ZNF569: variants seen among roughly 807,000 people sequenced by gnomAD.
ZNF569 encodes the protein zinc finger protein 569, also known as DNA-binding protein.
In ZNF569, 38 loss-of-function variants were observed where a neutral mutation model predicts 56.3. The observed-to-expected ratio is 0.68, with a 90% CI of 0.52 to 0.88. The LOEUF (loss-of-function observed/expected upper bound fraction) is 0.88, where lower values mean the gene tolerates loss of function less well. Ranked by LOEUF, ZNF569 falls within the 40% of genes least tolerant of loss-of-function variation. The probability of loss-of-function intolerance (pLI) is 0.00; values close to 1 mark genes in which losing one functional copy is unlikely to be tolerated. For missense variants in ZNF569, 666 were observed against 809.2 expected (o/e 0.82, Z 2.15); for synonymous variants, 241 against 262.9 (o/e 0.92, Z 0.81).
At chr19:37,418,777 G>A (rs961255304) in intron 5 of ZNF569, among the ~76,000 whole-genome samples, 1 of 152,102 alleles carries the variant, frequency 6.6e-6, no homozygotes, top group Admixed American at 6.6e-5. Context: ...TCTGCTTCTG[G>A]AGAAATGGAA....
At chr19:37,456,645 C>A (rs1481795847) in intron 2 of ZNF569, among the ~76,000 whole-genome samples, 8 of 152,108 alleles carry the variant, frequency 5.3e-5, no homozygotes, top group Non-Finnish European at 1.0e-4. Flanking sequence ...TGTATACATT[C>A]TAGAAATTTT....
In ZNF569 at chr19:37,423,978, C is replaced by CAT. The variant is rs147955601; in HGVS notation, c.238+1888_238+1889dup. On this transcript the variant is annotated intron_variant, in intron 5 of 5. Transcript: ENST00000316950. ...AAAATTCAAAATACGTGTATATGGA[C>CAT]ATATATATGTATATGTATATATGTA... 7.3e-3 allele frequency among the ~76,000 whole-genome samples: 1,111 copies of CAT among 152,086 alleles called. 2 individuals carry two copies. Among genetic ancestry groups the CAT allele is most frequent in the Non-Finnish European group, 0.013 (855 of 68,000 alleles).
Position 37,422,630 on chromosome 19 carries a change from T to G in ZNF569, c.238+3238A>C, listed in dbSNP as rs547086101. ...TTGCCAAGCACAATAAAATAAAGCA[T>G]AATAACATGAGATATGCCTGTATAA... On this transcript the variant is annotated intron_variant, in intron 5 of 5. Coordinates refer to ENST00000316950, the MANE Select transcript of ZNF569 (RefSeq NM_152484.3). Among the ~76,000 whole-genome samples the G allele has an allele frequency of 2.0e-5, 3 of 152,162 alleles. No individual in the cohort carries two copies. The South Asian group carries it at 6.2e-4, about 32-fold the overall frequency.
intron 3 of ZNF569, among the ~76,000 whole-genome samples, chr19:37,427,027 G>A (rs1465444855): frequency 2.6e-5 from 4 of 152,200 alleles, no homozygotes; most frequent in Non-Finnish European, 5.9e-5. Flanking sequence ...TTAAAAAGCT[G>A]TAGAATGGCT....
chr19:37,431,405 C>A (rs1017020075), intron 3 of ZNF569, among the ~76,000 whole-genome samples: 7 of 152,166 alleles, frequency 4.6e-5, no homozygotes, highest in African/African-American at 1.7e-4. Flanking sequence ...ATTCCATGCG[C>A]TAGCTCCTGG....
At chr19:37,419,974 T>C (rs533236363) in intron 5 of ZNF569, among the ~76,000 whole-genome samples, 27 of 138,338 alleles carry the variant, frequency 2.0e-4, no homozygotes, top group Non-Finnish European at 2.2e-4. Context: ...TCTTTCTTTT[T>C]TTTTTTTTTT....
rs1050061537 is a variant in ZNF569 at position 37,411,882 on chromosome 19, T to G, written c.*715A>C. 6.6e-6 allele frequency: 1 copy of G among 152,320 alleles called. No individual in the cohort carries two copies. Among genetic ancestry groups the G allele is most frequent in the African/African-American group, 2.4e-5 (1 of 41,586 alleles). The allele number at this position is 152,320 out of a possible 1,614,324, so 9.4% of individuals were successfully genotyped here. A position where few individuals can be genotyped will look rare whatever the true frequency, so the allele number is the denominator to read the frequency against. ...TTGATTTATTCACTTGGTAATACATTGTTTAAATGACAGCAGCTTTAAATA... is the reference window on the plus strand; with the variant it reads ...TTGATTTATTCACTTGGTAATACATGGTTTAAATGACAGCAGCTTTAAATA... On this transcript the variant is annotated 3_prime_UTR_variant, in exon 6 of 6. Transcript: ENST00000316950.
chr19:37,460,266 A>T, intron 2 of ZNF569, among the ~76,000 whole-genome samples: 1 of 152,080 alleles, frequency 6.6e-6, no homozygotes, highest in East Asian at 1.9e-4. Flanking sequence ...CTCCTGCCTC[A>T]GCCTCAACTG....
intron 3 of ZNF569, 43 bp downstream of exon 3, chr19:37,444,864 T>C (rs768860903): frequency 1.7e-5 from 25 of 1,504,488 alleles, no homozygotes; most frequent in African/African-American, 4.2e-5. Context: ...TTAAATTGCA[T>C]TGGAGAGTAA....
At position 37,413,089 on chromosome 19, in the gene ZNF569, A is replaced by G. The variant is rs2040866039; in HGVS notation, c.1569T>C (p.Asp523=). ...AGAAGGCTTTACCACATTCATTACA[A>G]TCATAAGGTTTCTCTCCAGTATGAA... The part of the protein sequence containing the change: ...QKVHTGEKPY[D]CNECGKAFSQ... The change falls in exon 6 of 6, where the codon GAT becomes GAC. Residue 523 remains aspartate, a synonymous_variant. Transcript: ENST00000316950. The G allele has an allele frequency of 6.2e-7, 1 of 1,612,794 alleles. No homozygotes were observed. The highest frequency in any genetic ancestry group is 8.5e-7 in the Non-Finnish European group (1 of 1,179,522).
chr19:37,415,901 A>G (rs1568715169), intron 5 of ZNF569, among the ~76,000 whole-genome samples: 1 of 151,472 alleles, frequency 6.6e-6, no homozygotes, highest in Non-Finnish European at 1.5e-5. Flanking sequence ...GAAAAAGAAA[A>G]AAAAAAAGAA....
intron 3 of ZNF569, among the ~76,000 whole-genome samples, chr19:37,428,550 A>T (rs1207851727): frequency 6.7e-6 from 1 of 149,434 alleles, no homozygotes; most frequent in African/African-American, 2.5e-5. Flanking sequence ...AAAAAAGCTG[A>T]TAGTTTAAGA....
intron 2 of ZNF569, among the ~76,000 whole-genome samples, chr19:37,464,865 C>T (rs986823367): frequency 6.6e-6 from 1 of 152,226 alleles, no homozygotes; most frequent in Non-Finnish European, 1.5e-5. Flanking sequence ...CCAAAGCTGT[C>T]TTCTTAAATT....
intron 3 of ZNF569, among the ~76,000 whole-genome samples, chr19:37,438,312 G>A (rs1286859543): frequency 2.0e-5 from 3 of 152,144 alleles, no homozygotes; most frequent in Non-Finnish European, 4.4e-5. Context: ...CCTAAGCCCA[G>A]GAGGTCAAGG....
intron 5 of ZNF569, among the ~76,000 whole-genome samples, chr19:37,418,234 A>T (rs2040969965): frequency 6.6e-6 from 1 of 152,104 alleles, no homozygotes; most frequent in Non-Finnish European, 1.5e-5. Context: ...AAGAACCAAT[A>T]GGAAGGTTAA....
chr19:37,446,549 C>CAAAAAAAAAAA (rs74174464), intron 2 of ZNF569, among the ~76,000 whole-genome samples: 2 of 60,470 alleles, frequency 3.3e-5, no homozygotes, highest in Non-Finnish European at 6.3e-5. Flanking sequence ...GACTCCATCT[C>CAAAAAAAAAAA]AAAAAAAAAA....
At chr19:37,431,927 C>T (rs1405982634) in intron 3 of ZNF569, among the ~76,000 whole-genome samples, 4 of 152,100 alleles carry the variant, frequency 2.6e-5, no homozygotes, top group Admixed American at 6.5e-5. Context: ...GTGGTAGCCA[C>T]GGGGAGAAAT....
chr19:37,412,922 AC>A lies in ZNF569; in HGVS notation c.1735del (p.Val579TyrfsTer19). The A allele has an allele frequency of 6.2e-7, 1 of 1,613,132 alleles. No homozygotes were observed. Among genetic ancestry groups the A allele is most frequent in the Non-Finnish European group, 8.5e-7 (1 of 1,179,716 alleles). On this transcript the variant is annotated frameshift_variant, in exon 6 of 6. Transcript: ENST00000316950. LOFTEE classifies it high-confidence loss of function. ...MRSHTGEKPY[V>X]CNECGKAFSQ... ...GAAGGCTTTCCCACATTCATTACAT[AC>A]ATAGGGCTTCTCACCTGTGTGACTT...
chr19:37,446,549 C>CAA (rs74174464), intron 2 of ZNF569, among the ~76,000 whole-genome samples: 8 of 60,418 alleles, frequency 1.3e-4, no homozygotes, highest in South Asian at 1.4e-3. Flanking sequence ...GACTCCATCT[C>CAA]AAAAAAAAAA....
Sources: gnomAD v4.1 joint callset for allele counts (sites outside exome capture counted in the v4.1 genomes callset) on GRCh38, gnomAD v4.1.1 for gene constraint, MANE v1.5 for transcripts, NCBI Gene and HGNC (gene_info 2026-07-23, HGNC 2026-07-21) for gene names.